The following ZBTB20 variants were observed in gnomAD, a reference collection of about 807,000 sequenced individuals.
The protein encoded by ZBTB20 is zinc finger and BTB domain containing 20.
A neutral mutation model predicts 56.9 loss-of-function variants in ZBTB20; 9 were observed. The observed-to-expected ratio is 0.16, with a 90% CI of 0.10 to 0.28. The LOEUF (loss-of-function observed/expected upper bound fraction) is 0.28. Among genes scored for constraint, ZBTB20 ranks in the 10% least tolerant of loss-of-function variants. ZBTB20 has a pLI of 1.00. For synonymous variants in ZBTB20, 417 were observed against 420.7 expected (o/e 0.99, Z 0.11); for missense variants, 655 against 1,003.0 (o/e 0.65, Z 4.69).
At position 114,316,670 on chromosome 3, in the gene ZBTB20, A is replaced by AT. The variant is rs1351755989; in HGVS notation, c.*22334dup. The AT allele has an allele frequency of 9.8e-6, 4 of 409,038 alleles. No homozygotes were observed. The highest frequency in any genetic ancestry group is 3.7e-5 in the South Asian group (2 of 53,362). The allele number at this position is 409,038 out of a possible 1,614,324, so 25.3% of individuals were successfully genotyped here. On this transcript the variant is annotated 3_prime_UTR_variant, in exon 12 of 12. Coordinates refer to ENST00000675478, the MANE Select transcript of ZBTB20 (RefSeq NM_001348800.3). ...TTTAAACAGTCTGGAGCTTTAATTTATTTTTTAAAGTGCATTTTCAATGCA... is the reference window on the plus strand; with the variant it reads ...TTTAAACAGTCTGGAGCTTTAATTTATTTTTTTAAAGTGCATTTTCAATGCA...
chr3:114,414,919 T>C (rs1320908197), intron 7 of ZBTB20, among the ~76,000 whole-genome samples: 1 of 151,888 alleles, frequency 6.6e-6, no homozygotes, highest in Non-Finnish European at 1.5e-5. Flanking sequence ...TTTCCTTTTG[T>C]ATATTTTTGC....
intron 5 of ZBTB20, among the ~76,000 whole-genome samples, chr3:114,730,305 G>A (rs1342291171): frequency 6.6e-6 from 1 of 152,012 alleles, no homozygotes; most frequent in Non-Finnish European, 1.5e-5. Flanking sequence ...TCCAATAGTG[G>A]AACACTAGGC....
chr3:114,583,439 A>T (rs942988065), intron 6 of ZBTB20, among the ~76,000 whole-genome samples: 2 of 152,198 alleles, frequency 1.3e-5, no homozygotes, highest in Non-Finnish European at 2.9e-5. Context: ...TGTTTTGTTG[A>T]AACCAACAAT....
At chr3:114,651,232 C>T (rs2060111659) in intron 6 of ZBTB20, among the ~76,000 whole-genome samples, 1 of 151,988 alleles carries the variant, frequency 6.6e-6, no homozygotes, top group African/African-American at 2.4e-5. Context: ...AGAAAGGCTG[C>T]ATTACAATCA....
chr3:114,440,399 G>T (rs751683445), intron 7 of ZBTB20, among the ~76,000 whole-genome samples: 3 of 152,064 alleles, frequency 2.0e-5, no homozygotes, highest in African/African-American at 7.2e-5. Context: ...CTATGGAATT[G>T]GGTATCCTTT....
chr3:114,476,572 G>A (rs72952526), intron 7 of ZBTB20, among the ~76,000 whole-genome samples: 21,647 of 152,112 alleles, frequency 0.14, 2,124 homozygotes, highest in African/African-American at 0.27. Flanking sequence ...CAGAGGGCAA[G>A]AGAGCACAAA....
intron 4 of ZBTB20, among the ~76,000 whole-genome samples, chr3:114,817,773 T>C (rs2073025501): frequency 6.6e-6 from 1 of 152,092 alleles, no homozygotes; most frequent in African/African-American, 2.4e-5. Flanking sequence ...TAAATATTTG[T>C]GTGAAATACA....
chr3:114,763,587 TATAGTA>T (rs2108708189), intron 5 of ZBTB20, among the ~76,000 whole-genome samples: 1 of 152,268 alleles, frequency 6.6e-6, no homozygotes, highest in Non-Finnish European at 1.5e-5. Context: ...AAATAGCATA[TATAGTA>T]CCTCAGTGTC....
chr3:114,477,101 T>C (rs1200255900), intron 7 of ZBTB20, among the ~76,000 whole-genome samples: 2 of 152,226 alleles, frequency 1.3e-5, no homozygotes, highest in African/African-American at 4.8e-5. Flanking sequence ...AAAATACTGG[T>C]TGCATAATTA....
chr3:114,542,450 C>T (rs1049383923), intron 6 of ZBTB20, among the ~76,000 whole-genome samples: 4 of 152,054 alleles, frequency 2.6e-5, no homozygotes, highest in African/African-American at 7.2e-5. Flanking sequence ...CTGTTGTGGA[C>T]GGTGCAGAGC....
intron 4 of ZBTB20, among the ~76,000 whole-genome samples, chr3:114,805,974 C>A (rs541100429): frequency 1.3e-5 from 2 of 151,916 alleles, no homozygotes; most frequent in South Asian, 2.1e-4. Context: ...GGATATAACA[C>A]CACATTTTAT....
chr3:115,091,188 T>C (rs2083179939), intron 1 of ZBTB20, among the ~76,000 whole-genome samples: 1 of 152,018 alleles, frequency 6.6e-6, no homozygotes, highest in Admixed American at 6.6e-5. Context: ...TACTTGCAAT[T>C]CATTCCCCTA....
chr3:114,893,868 T>C (rs2074743524), intron 4 of ZBTB20, among the ~76,000 whole-genome samples: 3 of 152,186 alleles, frequency 2.0e-5, no homozygotes, highest in African/African-American at 4.8e-5. Flanking sequence ...TCAGATTCCA[T>C]CCTGTCCAAA....
At chr3:114,468,013 T>C (rs1277153685) in intron 7 of ZBTB20, among the ~76,000 whole-genome samples, 1 of 152,178 alleles carries the variant, frequency 6.6e-6, no homozygotes. Context: ...AGAGTTTTTG[T>C]GGTCATGTTA....
intron 4 of ZBTB20, among the ~76,000 whole-genome samples, chr3:114,802,304 C>T (rs1227541066): frequency 6.6e-6 from 1 of 151,854 alleles, no homozygotes; most frequent in East Asian, 1.9e-4. Context: ...CAAATCACCC[C>T]TTAAATTGTA....
At chr3:114,871,431 G>C (rs1215319685) in intron 4 of ZBTB20, among the ~76,000 whole-genome samples, 1 of 152,042 alleles carries the variant, frequency 6.6e-6, no homozygotes, top group Admixed American at 6.6e-5. Context: ...TTTCTGGCCA[G>C]AACATATTGC....
At chr3:114,384,874 G>A (rs1240299974) in intron 8 of ZBTB20, among the ~76,000 whole-genome samples, 1 of 152,206 alleles carries the variant, frequency 6.6e-6, no homozygotes, top group Non-Finnish European at 1.5e-5. Context: ...AACCAGATCG[G>A]CGGCATTTGA....
At chr3:114,861,233 A>C (rs2075513238) in intron 4 of ZBTB20, among the ~76,000 whole-genome samples, 1 of 151,992 alleles carries the variant, frequency 6.6e-6, no homozygotes, top group Admixed American at 6.6e-5. Context: ...ATCTCACTTT[A>C]TTATTTTTCA....
Position 114,483,438 on chromosome 3 carries a change from C to T in ZBTB20, c.-255+16914G>A, listed in dbSNP as rs967103592. Among the ~76,000 whole-genome samples, 5 of 151,982 alleles carry T rather than the reference C, an allele frequency of 3.3e-5. No homozygotes were observed. The East Asian group carries it at 9.8e-4, about 30-fold the overall frequency. On this transcript the variant is annotated intron_variant, in intron 7 of 11. Coordinates refer to ENST00000675478, the MANE Select transcript of ZBTB20 (RefSeq NM_001348800.3). ...TCTGAGACAGCATGGCTGCTCCCCT[C>T]TTGGTGAGGGCAGTATAGGTACAGC...
Sources: allele counts gnomAD v4.1 joint callset (sites outside exome capture counted in the v4.1 genomes callset), GRCh38; gene constraint gnomAD v4.1.1; transcripts MANE v1.5; gene names NCBI Gene and HGNC (gene_info 2026-07-23, HGNC 2026-07-21).